The following KCNIP4 variants were observed in gnomAD, a reference collection of about 807,000 sequenced individuals.
KCNIP4 encodes Kv channel-interacting protein 4.
KCNIP4 carries 12 observed loss-of-function variants against 34.0 expected under a neutral mutation model. The ratio of observed to expected loss-of-function variants is 0.35; its 90% CI spans 0.23 to 0.57. The LOEUF (loss-of-function observed/expected upper bound fraction) is 0.57. Among genes scored for constraint, KCNIP4 ranks in the 20% least tolerant of loss-of-function variants. The pLI is 0.83. For missense variants in KCNIP4, 238 were observed against 311.7 expected (o/e 0.76, Z 1.78); for synonymous variants, 124 against 102.2 (o/e 1.21, Z -1.29).
At chr4:21,750,993 G>T (rs1457355131) in intron 1 of KCNIP4, among the ~76,000 whole-genome samples, 1 of 152,044 alleles carries the variant, frequency 6.6e-6, no homozygotes, top group East Asian at 1.9e-4. Context: ...GGAAGTAGGG[G>T]GTCCTACTGT....
chr4:21,528,763 GAA>G (rs1477307062), intron 1 of KCNIP4, among the ~76,000 whole-genome samples: 1 of 9,998 alleles, frequency 1.0e-4, no homozygotes, highest in Non-Finnish European at 1.9e-4. Flanking sequence ...AAGAAAGAAA[GAA>G]AGAAAGAAAG....
intron 1 of KCNIP4, among the ~76,000 whole-genome samples, chr4:21,757,535 A>C (rs1297505740): frequency 6.6e-6 from 1 of 152,184 alleles, no homozygotes; most frequent in East Asian, 1.9e-4. Context: ...TGGTTAGGAA[A>C]TACATGGCTG....
At chr4:21,094,023 AG>A (rs1323839047) in intron 1 of KCNIP4, among the ~76,000 whole-genome samples, 1 of 152,144 alleles carries the variant, frequency 6.6e-6, no homozygotes, top group African/African-American at 2.4e-5. Flanking sequence ...CAGAGCTTGC[AG>A]TGAGCCAAGA....
chr4:21,404,589 C>T lies in KCNIP4; in HGVS notation c.62-521880G>A, dbSNP rs554079579. Among the ~76,000 whole-genome samples, 35 of 152,066 alleles carry T rather than the reference C, an allele frequency of 2.3e-4. No individual in the cohort carries two copies. In the South Asian group the frequency reaches 2.7e-3, roughly 12 times the overall value. ...CATCATATTTTTATAAACATGTACACGTATACATAGCATATTAACAATCTT... is the reference window on the plus strand; with the variant it reads ...CATCATATTTTTATAAACATGTACATGTATACATAGCATATTAACAATCTT... On this transcript the variant is annotated intron_variant, in intron 1 of 8. Coordinates refer to ENST00000382152, the MANE Select transcript of KCNIP4 (RefSeq NM_025221.6).
chr4:20,930,779 G>A (rs1730375212), intron 1 of KCNIP4, among the ~76,000 whole-genome samples: 1 of 151,564 alleles, frequency 6.6e-6, no homozygotes, highest in Admixed American at 6.6e-5. Flanking sequence ...TAATCATTAG[G>A]GAAACACAAA....
chr4:21,653,571 G>A (rs968752656), intron 1 of KCNIP4, among the ~76,000 whole-genome samples: 5 of 152,138 alleles, frequency 3.3e-5, no homozygotes, highest in Non-Finnish European at 7.3e-5. Flanking sequence ...AAAATCCATT[G>A]TTGTGATATG....
At chr4:21,255,164 T>C (rs1760980723) in intron 1 of KCNIP4, among the ~76,000 whole-genome samples, 1 of 152,094 alleles carries the variant, frequency 6.6e-6, no homozygotes, top group South Asian at 2.1e-4. Context: ...GACGAGGCCC[T>C]ACCTGTGTCC....
At chr4:21,836,876 G>A (rs1442974756) in intron 1 of KCNIP4, among the ~76,000 whole-genome samples, 1 of 149,198 alleles carries the variant, frequency 6.7e-6, no homozygotes, top group African/African-American at 2.5e-5. Flanking sequence ...GTATTAATAT[G>A]TTGCTGAAGT....
intron 1 of KCNIP4, among the ~76,000 whole-genome samples, chr4:21,527,941 A>G (rs1204767969): frequency 6.6e-6 from 1 of 152,164 alleles, no homozygotes; most frequent in African/African-American, 2.4e-5. Flanking sequence ...TCCTAGGTAC[A>G]AGTCCCATTA....
At chr4:21,881,609 C>T (rs971743553) in intron 1 of KCNIP4, among the ~76,000 whole-genome samples, 4 of 152,026 alleles carry the variant, frequency 2.6e-5, no homozygotes, top group East Asian at 3.9e-4. Flanking sequence ...AAGTTGCACA[C>T]GTTGATACGC....
rs1227363662 is a variant in KCNIP4, at chr4:21,745,913, T to C, written c.61+202658A>G. Among the ~76,000 whole-genome samples, 3 of 152,154 alleles carry C rather than the reference T, an allele frequency of 2.0e-5. No individual in the cohort carries two copies. The East Asian group carries it at 5.8e-4, about 29-fold the overall frequency. ...AAATAGGTAAAAAACAGTGTTTTTG[T>C]TTGCTATGATGCCATAACAAAATAC... On this transcript the variant is annotated intron_variant, in intron 1 of 8. Transcript: ENST00000382152.
At chr4:20,774,208 C>T (rs1756168519) in intron 3 of KCNIP4, among the ~76,000 whole-genome samples, 1 of 152,136 alleles carries the variant, frequency 6.6e-6, no homozygotes, top group African/African-American at 2.4e-5. Context: ...TCGTTCTGAA[C>T]CTGTTAGCTT....
chr4:21,798,993 T>C (rs1450065526), intron 1 of KCNIP4, among the ~76,000 whole-genome samples: 1 of 151,936 alleles, frequency 6.6e-6, no homozygotes, highest in Non-Finnish European at 1.5e-5. Flanking sequence ...GACATTTTCC[T>C]AGAAGAAATA....
In KCNIP4 at chr4:20,729,424, T is replaced by TATTAAAATAAGTTTTATTAAATGCC. The variant is rs1295015050; in HGVS notation, c.*657_*658insGGCATTTAATAAAACTTATTTTAAT. 6.6e-6 allele frequency: 1 copy of TATTAAAATAAGTTTTATTAAATGCC among 152,280 alleles called. No individual in the cohort carries two copies. Among genetic ancestry groups the TATTAAAATAAGTTTTATTAAATGCC allele is most frequent in the African/African-American group, 2.4e-5 (1 of 41,318 alleles). The allele number at this position is 152,280 out of a possible 1,614,324, so 9.4% of individuals were successfully genotyped here. A position where few individuals can be genotyped will look rare whatever the true frequency, so the allele number is the denominator to read the frequency against. ...TAACATATTATGGAAAATTAAATGCTTATTAAAATAAGTTTTATTAGGCAT... is the reference window on the plus strand; with the variant it reads ...TAACATATTATGGAAAATTAAATGCTATTAAAATAAGTTTTATTAAATGCCTATTAAAATAAGTTTTATTAGGCAT... On this transcript the variant is annotated 3_prime_UTR_variant, in exon 9 of 9. Coordinates refer to ENST00000382152, the MANE Select transcript of KCNIP4 (RefSeq NM_025221.6).
At chr4:20,931,097 T>C (rs904409454) in intron 1 of KCNIP4, among the ~76,000 whole-genome samples, 1 of 151,938 alleles carries the variant, frequency 6.6e-6, no homozygotes, top group Non-Finnish European at 1.5e-5. Context: ...CCCATGCTCA[T>C]TGCATCTATT....
intron 2 of KCNIP4, among the ~76,000 whole-genome samples, chr4:20,877,038 A>G (rs372159744): frequency 6.6e-6 from 1 of 152,250 alleles, no homozygotes; most frequent in East Asian, 1.9e-4. Context: ...TCTAAATGCT[A>G]CTATGGTTCT....
At chr4:21,829,010 A>T (rs1363345894) in intron 1 of KCNIP4, among the ~76,000 whole-genome samples, 2 of 151,974 alleles carry the variant, frequency 1.3e-5, no homozygotes, top group Non-Finnish European at 1.5e-5. Flanking sequence ...TTTTCAACAT[A>T]TTGTATCCCA....
At chr4:21,269,091 G>A (rs1357933989) in intron 1 of KCNIP4, among the ~76,000 whole-genome samples, 1 of 152,174 alleles carries the variant, frequency 6.6e-6, no homozygotes, top group Non-Finnish European at 1.5e-5. Context: ...GCCTGCCCAT[G>A]GTTTTATAGA....
At chr4:21,049,105 C>T (rs1040644205) in intron 1 of KCNIP4, among the ~76,000 whole-genome samples, 7 of 151,164 alleles carry the variant, frequency 4.6e-5, no homozygotes, top group Non-Finnish European at 1.0e-4. Context: ...CGCCCGCTAC[C>T]ACGCCCGGCT....
Sources: gnomAD v4.1 joint callset for allele counts (sites outside exome capture counted in the v4.1 genomes callset) on GRCh38, gnomAD v4.1.1 for gene constraint, MANE v1.5 for transcripts, NCBI Gene and HGNC (gene_info 2026-07-23, HGNC 2026-07-21) for gene names.